Variants in SCTR observed in about 807,000 individuals in gnomAD.
The protein encoded by SCTR is secretin receptor, also known as pancreatic secretin receptor.
In SCTR, 56 loss-of-function variants were observed where a neutral mutation model predicts 60.8. The ratio of observed to expected loss-of-function variants is 0.92; its 90% CI spans 0.74 to 1.15. The LOEUF (loss-of-function observed/expected upper bound fraction) is 1.15. Among genes scored for constraint, SCTR ranks in the 50% most tolerant of loss-of-function variants. The pLI is 0.00. For synonymous variants in SCTR, 202 were observed against 217.0 expected (o/e 0.93, Z 0.61); for missense variants, 562 against 550.4 (o/e 1.02, Z -0.21).
chr2:119,456,538 G>T (rs192535611), intron 7 of SCTR, among the ~76,000 whole-genome samples: 1 of 152,242 alleles, frequency 6.6e-6, no homozygotes, highest in Admixed American at 6.5e-5. Context: ...AGAAAGAAAG[G>T]AAACAGGATT....
At chr2:119,482,813 G>A (rs1011702272) in intron 2 of SCTR, among the ~76,000 whole-genome samples, 11 of 152,110 alleles carry the variant, frequency 7.2e-5, no homozygotes, top group African/African-American at 2.2e-4. Context: ...CTGTGTCTCC[G>A]TGCTGACCTA....
chr2:119,493,173 T>G (rs940176715), intron 2 of SCTR, among the ~76,000 whole-genome samples: 12 of 152,370 alleles, frequency 7.9e-5, no homozygotes, highest in African/African-American at 2.9e-4. Context: ...TGTGTCCTTT[T>G]GTATCTGGCT....
Position 119,439,856 on chromosome 2 carries a change from C to T in SCTR, c.*261G>A. On this transcript the variant is annotated 3_prime_UTR_variant, in exon 13 of 13. Transcript: ENST00000019103. Reference sequence around the variant, plus strand: ...GACAAATATAGATTGAATCTCATCCCAGGCACCATTTATTTCCCTGTCCCT... The same window carrying T: ...GACAAATATAGATTGAATCTCATCCTAGGCACCATTTATTTCCCTGTCCCT... 1 of 463,954 alleles carries T rather than the reference C, an allele frequency of 2.2e-6. No individual in the cohort carries two copies. Among genetic ancestry groups the T allele is most frequent in the Non-Finnish European group, 3.8e-6 (1 of 260,144 alleles). 28.7% of individuals were successfully genotyped at this position (463,954 alleles called of 1,614,324 possible). A position where few individuals can be genotyped will look rare whatever the true frequency, so the allele number is the denominator to read the frequency against.
intron 9 of SCTR, among the ~76,000 whole-genome samples, chr2:119,450,050 AAAAGAAAGAAAAAGAAAG>A (rs1269105000): frequency 1.4e-5 from 2 of 144,882 alleles, no homozygotes; most frequent in African/African-American, 5.5e-5. Context: ...GAAGAAAGAA[AAAAGAAAGAAAAAGAAAG>A]AAAGAAAGAA....
At chr2:119,472,659 G>A (rs1450809255) in intron 4 of SCTR, among the ~76,000 whole-genome samples, 2 of 152,104 alleles carry the variant, frequency 1.3e-5, no homozygotes, top group Non-Finnish European at 2.9e-5. Context: ...TTAAGAGACA[G>A]GGCTCAATCC....
intron 1 of SCTR, among the ~76,000 whole-genome samples, chr2:119,519,459 C>G (rs1679218017): frequency 6.6e-6 from 1 of 152,116 alleles, no homozygotes; most frequent in South Asian, 2.1e-4. Flanking sequence ...AATTTTATGA[C>G]AGCTCCTTGG....
intron 3 of SCTR, among the ~76,000 whole-genome samples, chr2:119,474,160 C>G (rs1677159757): frequency 6.6e-6 from 1 of 152,218 alleles, no homozygotes; most frequent in Admixed American, 6.5e-5. Flanking sequence ...CTGCCCCCCA[C>G]CCCTGGCACG....
chr2:119,516,069 G>A (rs1003542713), intron 1 of SCTR, among the ~76,000 whole-genome samples: 1 of 152,200 alleles, frequency 6.6e-6, no homozygotes, highest in Non-Finnish European at 1.5e-5. Flanking sequence ...GTGAGAACAA[G>A]TGCTAACAAT....
At chr2:119,481,576 AC>A (rs1421396849) in intron 2 of SCTR, among the ~76,000 whole-genome samples, 13 of 152,182 alleles carry the variant, frequency 8.5e-5, no homozygotes, top group Non-Finnish European at 1.6e-4. Context: ...GCTTAGCCCT[AC>A]CCCTGGCTCC....
chr2:119,517,699 G>A (rs1679158257), intron 1 of SCTR, among the ~76,000 whole-genome samples: 1 of 152,200 alleles, frequency 6.6e-6, no homozygotes, highest in Non-Finnish European at 1.5e-5. Context: ...TTAACCAGCT[G>A]ATGAGAAAAG....
chr2:119,440,038 A>G lies in SCTR; in HGVS notation c.*79T>C. 3.5e-6 allele frequency: 5 copies of G among 1,445,976 alleles called. No individual in the cohort carries two copies. In the South Asian group the frequency reaches 5.2e-5, roughly 15 times the overall value. 89.6% of individuals were successfully genotyped at this position (1,445,976 alleles called of 1,614,324 possible). A position where few individuals can be genotyped will look rare whatever the true frequency, so the allele number is the denominator to read the frequency against. ...AGGACACAGGGTGTCTGCTGGGAAGACTGGCTGTCCCACAGCAGTGCCCAG... is the reference window on the plus strand; with the variant it reads ...AGGACACAGGGTGTCTGCTGGGAAGGCTGGCTGTCCCACAGCAGTGCCCAG... On this transcript the variant is annotated 3_prime_UTR_variant, in exon 13 of 13. Transcript: ENST00000019103.
chr2:119,480,787 T>A (rs2579620), intron 2 of SCTR: 1 of 152,270 alleles, frequency 6.6e-6, no homozygotes, highest in African/African-American at 2.4e-5. Context: ...ATCGCTGGGG[T>A]CAGGCTTGGA....
chr2:119,506,363 C>T (rs1171901567), intron 1 of SCTR, among the ~76,000 whole-genome samples: 3 of 152,114 alleles, frequency 2.0e-5, no homozygotes, highest in East Asian at 1.9e-4. Flanking sequence ...CCAACCTAGA[C>T]GAATCGCCAG....
chr2:119,522,747 A>G (rs1573940446), intron 1 of SCTR, among the ~76,000 whole-genome samples: 1 of 152,280 alleles, frequency 6.6e-6, no homozygotes, highest in East Asian at 1.9e-4. Context: ...GGAAGGAGCT[A>G]TTGCCTCTCC....
At chr2:119,509,017 C>T (rs1362663289) in intron 1 of SCTR, among the ~76,000 whole-genome samples, 1 of 152,146 alleles carries the variant, frequency 6.6e-6, no homozygotes, top group Non-Finnish European at 1.5e-5. Flanking sequence ...GTCTCAACGC[C>T]CTATGGGGTT....
intron 2 of SCTR, chr2:119,479,792 T>C (rs770474142): frequency 3.3e-5 from 5 of 152,220 alleles, no homozygotes; most frequent in Non-Finnish European, 5.9e-5. Flanking sequence ...CTAGTATACA[T>C]AGACACTACA....
intron 9 of SCTR, among the ~76,000 whole-genome samples, chr2:119,450,873 GGTCACC>G (rs1428517418): frequency 6.6e-6 from 1 of 152,160 alleles, no homozygotes; most frequent in East Asian, 1.9e-4. Context: ...GATGTGAGAG[GGTCACC>G]TGAGCCCAGG....
intron 1 of SCTR, among the ~76,000 whole-genome samples, chr2:119,502,918 G>A (rs1339554529): frequency 2.0e-5 from 3 of 151,642 alleles, no homozygotes; most frequent in African/African-American, 4.8e-5. Context: ...TTGAGAGACC[G>A]AGGCAGGTAG....
In SCTR at chr2:119,481,654, T is replaced by C. The variant is rs528370693; in HGVS notation, c.194-2736A>G. Among the ~76,000 whole-genome samples, 7 of 152,302 alleles carry C rather than the reference T, an allele frequency of 4.6e-5. No individual in the cohort carries two copies. In the South Asian group the frequency reaches 1.5e-3, roughly 32 times the overall value. ...CACCAGTGGGGGTCACTACCAGCTG[T>C]GTCTTCACCTTGGTACCTGGGTACA... On this transcript the variant is annotated intron_variant, in intron 2 of 12. Coordinates refer to ENST00000019103, the MANE Select transcript of SCTR (RefSeq NM_002980.3).
Sources: allele counts gnomAD v4.1 joint callset (sites outside exome capture counted in the v4.1 genomes callset), GRCh38; gene constraint gnomAD v4.1.1; transcripts MANE v1.5; gene names NCBI Gene and HGNC (gene_info 2026-07-23, HGNC 2026-07-21).